The following CA10 variants were observed in gnomAD, a reference collection of about 807,000 sequenced individuals.
CA10 encodes carbonic anhydrase-related protein 10.
A neutral mutation model predicts 44.2 loss-of-function variants in CA10; 14 were observed. The ratio of observed to expected loss-of-function variants is 0.32; its 90% CI spans 0.21 to 0.50. The LOEUF (loss-of-function observed/expected upper bound fraction) is 0.50. Ranked by LOEUF, CA10 falls within the 20% of genes least tolerant of loss-of-function variation. CA10 has a pLI of 0.99. For synonymous variants in CA10, 159 were observed against 141.6 expected (o/e 1.12, Z -0.87); for missense variants, 350 against 409.7 (o/e 0.85, Z 1.26).
At chr17:51,887,732 T>C (rs1980672127) in intron 3 of CA10, among the ~76,000 whole-genome samples, 1 of 151,674 alleles carries the variant, frequency 6.6e-6, no homozygotes, top group African/African-American at 2.4e-5. Flanking sequence ...GGAGGCTAGC[T>C]TGTAATCCCA....
chr17:51,811,907 C>T (rs1350498578), intron 3 of CA10, among the ~76,000 whole-genome samples: 1 of 152,170 alleles, frequency 6.6e-6, no homozygotes. Context: ...GCACACAGTC[C>T]AGAGTGAAGC....
chr17:52,069,228 T>G (rs140178862), intron 2 of CA10, among the ~76,000 whole-genome samples: 2 of 152,334 alleles, frequency 1.3e-5, no homozygotes, highest in Non-Finnish European at 2.9e-5. Flanking sequence ...GGTACGTACC[T>G]AGCCAAATGG....
At chr17:52,073,468 G>T (rs1452043196) in intron 1 of CA10, among the ~76,000 whole-genome samples, 7 of 152,190 alleles carry the variant, frequency 4.6e-5, no homozygotes, top group Non-Finnish European at 7.3e-5. Context: ...CCTGAGGCTT[G>T]TATCTTTGTG....
intron 3 of CA10, among the ~76,000 whole-genome samples, chr17:51,758,097 C>G (rs1228407266): frequency 1.3e-5 from 2 of 151,978 alleles, no homozygotes; most frequent in African/African-American, 2.4e-5. Context: ...GTTTTTTTCC[C>G]TTAGTAATGC....
intron 3 of CA10, among the ~76,000 whole-genome samples, chr17:51,826,310 T>C (rs770539870): frequency 1.3e-5 from 2 of 152,172 alleles, no homozygotes; most frequent in Non-Finnish European, 2.9e-5. Context: ...ATGGTGGAAA[T>C]TGCACCAGGT....
chr17:51,708,070 G>T (rs1257180753), intron 4 of CA10, among the ~76,000 whole-genome samples: 1 of 152,218 alleles, frequency 6.6e-6, no homozygotes, highest in African/African-American at 2.4e-5. Flanking sequence ...GACGTGATCT[G>T]TCCTTGCTGC....
rs1386636515 is a variant in CA10, at chr17:51,705,385, T to A, written c.465+42248A>T. Among the ~76,000 whole-genome samples the A allele has an allele frequency of 6.6e-5, 10 of 152,050 alleles. 1 individual carries two copies. Among genetic ancestry groups the A allele is most frequent in the Admixed American group, 5.9e-4 (9 of 15,266 alleles). ...CAACCCTGAACCATAGCAGAGGGGA[T>A]CCTTAGTTTAACATCTGGCTGCCCC... is the stretch of plus-strand genomic sequence containing the variant. On this transcript the variant is annotated intron_variant, in intron 4 of 8. Transcript: ENST00000451037.
intron 3 of CA10, among the ~76,000 whole-genome samples, chr17:51,841,621 T>G (rs1978320428): frequency 6.6e-6 from 1 of 152,216 alleles, no homozygotes; most frequent in Admixed American, 6.5e-5. Context: ...TTGGTTAGTC[T>G]TCAAAATCAC....
At chr17:51,874,202 C>A (rs893896083) in intron 3 of CA10, among the ~76,000 whole-genome samples, 1 of 151,954 alleles carries the variant, frequency 6.6e-6, no homozygotes, top group East Asian at 1.9e-4. Context: ...TGAAGGATAC[C>A]AAACAATATT....
chr17:51,832,315 CAT>C (rs1908313265), intron 3 of CA10, among the ~76,000 whole-genome samples: 1 of 152,176 alleles, frequency 6.6e-6, no homozygotes, highest in East Asian at 1.9e-4. Flanking sequence ...TATTCTGATA[CAT>C]AGTCCTTCTA....
chr17:51,702,953 G>A (rs572886748), intron 4 of CA10, among the ~76,000 whole-genome samples: 1 of 152,288 alleles, frequency 6.6e-6, no homozygotes, highest in East Asian at 1.9e-4. Flanking sequence ...CTTTGGGAAT[G>A]GTCTTTTTGT....
chr17:52,132,830 C>G (rs1470043876), intron 1 of CA10, among the ~76,000 whole-genome samples: 1 of 152,110 alleles, frequency 6.6e-6, no homozygotes, highest in Admixed American at 6.6e-5. Flanking sequence ...GGGGTACAAA[C>G]TGGGGACTTG....
intron 2 of CA10, among the ~76,000 whole-genome samples, chr17:52,032,867 T>C (rs1299188768): frequency 2.6e-5 from 4 of 152,096 alleles, no homozygotes. Context: ...CCAAACAGTG[T>C]GACATTTGAG....
At chr17:51,637,622 T>C (rs1912890444) in intron 6 of CA10, among the ~76,000 whole-genome samples, 1 of 152,234 alleles carries the variant, frequency 6.6e-6, no homozygotes, top group Admixed American at 6.5e-5. Context: ...ATTGTGCACA[T>C]ATATGGTAAA....
intron 4 of CA10, among the ~76,000 whole-genome samples, chr17:51,731,437 TC>T (rs1916715921): frequency 6.6e-6 from 1 of 152,106 alleles, no homozygotes; most frequent in Non-Finnish European, 1.5e-5. Flanking sequence ...TATAAACAAT[TC>T]TTTTTGCTCT....
intron 3 of CA10, among the ~76,000 whole-genome samples, chr17:51,786,993 T>C (rs952317575): frequency 1.3e-5 from 2 of 152,234 alleles, no homozygotes; most frequent in African/African-American, 4.8e-5. Flanking sequence ...ATTTGGTAGG[T>C]TGAACCATCT....
At chr17:51,669,134 C>T (rs962926190) in intron 4 of CA10, among the ~76,000 whole-genome samples, 3 of 152,224 alleles carry the variant, frequency 2.0e-5, no homozygotes, top group African/African-American at 7.2e-5. Flanking sequence ...GGAGTGCAGG[C>T]GCGGGACCAG....
At chr17:51,905,170 C>T (rs1981490295) in intron 3 of CA10, among the ~76,000 whole-genome samples, 1 of 152,010 alleles carries the variant, frequency 6.6e-6, no homozygotes, top group Non-Finnish European at 1.5e-5. Flanking sequence ...AAAGTTTATC[C>T]ATCAGTGCTC....
At chr17:52,159,537 G>T (rs1286249988), upstream of CA10, 1 of 152,202 alleles carries the variant, frequency 6.6e-6, no homozygotes, top group Non-Finnish European at 1.5e-5. Context: ...GCTTTTGCTG[G>T]GCTCCAGGAT....
Sources: allele counts gnomAD v4.1 joint callset (sites outside exome capture counted in the v4.1 genomes callset), GRCh38; gene constraint gnomAD v4.1.1; transcripts MANE v1.5; gene names NCBI Gene and HGNC (gene_info 2026-07-23, HGNC 2026-07-21).